TAFA2: variants seen among roughly 807,000 people sequenced by gnomAD.
TAFA2 encodes TAFA chemokine like family member 2, also known as chemokine-like protein TAFA-2.
Under a neutral mutation model 18.8 loss-of-function variants are expected in TAFA2, and 7 were observed. That is an observed-to-expected ratio of 0.37 (90% CI 0.21 to 0.70). The LOEUF (loss-of-function observed/expected upper bound fraction) is 0.70. TAFA2 is among the 30% of genes least tolerant of loss of function. The pLI, the probability that TAFA2 is intolerant of heterozygous loss-of-function variation, is 0.53. For missense variants in TAFA2, 122 were observed against 158.1 expected (o/e 0.77, Z 1.23); for synonymous variants, 60 against 54.2 (o/e 1.11, Z -0.47).
chr12:61,863,327 T>C (rs565433425), intron 2 of TAFA2, among the ~76,000 whole-genome samples: 5 of 152,270 alleles, frequency 3.3e-5, no homozygotes, highest in Non-Finnish European at 7.4e-5. Context: ...ATATATTAGG[T>C]ATACAGATGA....
intron 1 of TAFA2, among the ~76,000 whole-genome samples, chr12:61,963,191 T>C (rs557759559): frequency 6.6e-6 from 1 of 152,152 alleles, no homozygotes; most frequent in Non-Finnish European, 1.5e-5. Context: ...AACATACATG[T>C]ACGTGTCTTT....
chr12:61,851,354 G>A (rs557941204), intron 2 of TAFA2, among the ~76,000 whole-genome samples: 1 of 152,258 alleles, frequency 6.6e-6, no homozygotes, highest in East Asian at 1.9e-4. Context: ...GTGGCATAAA[G>A]GGGCATAGTG....
intron 1 of TAFA2, among the ~76,000 whole-genome samples, chr12:62,070,027 C>A (rs553384176): frequency 3.3e-5 from 5 of 152,240 alleles, no homozygotes; most frequent in African/African-American, 1.2e-4. Flanking sequence ...TCATTCCTCC[C>A]AGAGCTGCCT....
intron 4 of TAFA2, among the ~76,000 whole-genome samples, chr12:61,742,088 T>C (rs2120705195): frequency 6.6e-6 from 1 of 152,150 alleles, no homozygotes; most frequent in Non-Finnish European, 1.5e-5. Context: ...AGAGATTGGG[T>C]TTCACCATGT....
intron 1 of TAFA2, among the ~76,000 whole-genome samples, chr12:61,970,402 T>A (rs1879207627): frequency 6.6e-6 from 1 of 151,484 alleles, no homozygotes; most frequent in African/African-American, 2.4e-5. Context: ...AAATACAATG[T>A]CGGAAGCTAT....
intron 1 of TAFA2, among the ~76,000 whole-genome samples, chr12:61,965,561 C>T (rs1043110501): frequency 5.3e-5 from 8 of 151,804 alleles, no homozygotes; most frequent in African/African-American, 1.4e-4. Flanking sequence ...AAGTGATGTG[C>T]TAGGTGAATA....
At chr12:61,985,354 G>A (rs181628796) in intron 1 of TAFA2, among the ~76,000 whole-genome samples, 5 of 152,302 alleles carry the variant, frequency 3.3e-5, no homozygotes, top group South Asian at 2.1e-4. Context: ...AAGGACAAAC[G>A]ATTAAACAGC....
chr12:61,842,613 A>C (rs1416797108), intron 2 of TAFA2, among the ~76,000 whole-genome samples: 1 of 152,066 alleles, frequency 6.6e-6, no homozygotes. Flanking sequence ...AATCAAACTA[A>C]AGCATACATT....
intron 1 of TAFA2, among the ~76,000 whole-genome samples, chr12:61,895,164 G>A (rs1253774763): frequency 6.6e-6 from 1 of 152,136 alleles, no homozygotes; most frequent in African/African-American, 2.4e-5. Flanking sequence ...TGGATGTATG[G>A]ATGTCCAGAA....
chr12:62,219,013 TGAGG>T (rs1323349922), intron 1 of TAFA2, among the ~76,000 whole-genome samples: 2 of 152,036 alleles, frequency 1.3e-5, no homozygotes, highest in East Asian at 3.8e-4. Flanking sequence ...TTAGAAAAGA[TGAGG>T]ACAAAATAGC....
Position 62,126,730 on chromosome 12 carries a change from G to A in TAFA2, c.-2+64529C>T, listed in dbSNP as rs1002588868. Among the ~76,000 whole-genome samples the A allele has an allele frequency of 2.0e-5, 3 of 151,830 alleles. No individual in the cohort carries two copies. In the East Asian group the frequency reaches 5.8e-4, roughly 29 times the overall value. On this transcript the variant is annotated intron_variant, in intron 1 of 4. Coordinates refer to ENST00000416284, the MANE Select transcript of TAFA2 (RefSeq NM_178539.5). ...CAAATTAGAGATGAGATGAGAAGAGGGAAGAGATGACGCCGGAGAGCCACA... is the reference window on the plus strand; with the variant it reads ...CAAATTAGAGATGAGATGAGAAGAGAGAAGAGATGACGCCGGAGAGCCACA...
At chr12:61,791,663 A>G (rs1047959113) in intron 2 of TAFA2, among the ~76,000 whole-genome samples, 2 of 151,990 alleles carry the variant, frequency 1.3e-5, no homozygotes, top group Non-Finnish European at 2.9e-5. Context: ...TTAAAACCAC[A>G]GTGAGATATC....
chr12:61,813,124 T>C (rs181295019), intron 2 of TAFA2, among the ~76,000 whole-genome samples: 1 of 151,530 alleles, frequency 6.6e-6, no homozygotes, highest in East Asian at 1.9e-4. Context: ...AAATGCCCGA[T>C]TACTAGAAAA....
At chr12:61,763,713 A>G (rs1328464921) in intron 2 of TAFA2, among the ~76,000 whole-genome samples, 1 of 151,848 alleles carries the variant, frequency 6.6e-6, no homozygotes, top group African/African-American at 2.4e-5. Context: ...AACCCACAGA[A>G]AGCTTCGCGC....
chr12:62,092,570 CT>C (rs1868763557), intron 1 of TAFA2, among the ~76,000 whole-genome samples: 1 of 151,932 alleles, frequency 6.6e-6, no homozygotes, highest in African/African-American at 2.4e-5. Context: ...CCAAACTCAT[CT>C]GGTTTTCCTT....
chr12:61,899,730 T>A (rs887142304), intron 1 of TAFA2, among the ~76,000 whole-genome samples: 1 of 152,170 alleles, frequency 6.6e-6, no homozygotes, highest in African/African-American at 2.4e-5. Context: ...CAACCGTGGA[T>A]CAAAAATATT....
chr12:61,738,597 G>A (rs1409841424), intron 4 of TAFA2, among the ~76,000 whole-genome samples: 1 of 152,042 alleles, frequency 6.6e-6, no homozygotes, highest in African/African-American at 2.4e-5. Context: ...TTCTGCTCTT[G>A]CAGCATATCC....
chr12:61,956,801 A>G (rs1190431847), intron 1 of TAFA2, among the ~76,000 whole-genome samples: 2 of 152,110 alleles, frequency 1.3e-5, no homozygotes, highest in African/African-American at 2.4e-5. Flanking sequence ...ACAGCATGAG[A>G]TCTGCTCTTT....
intron 2 of TAFA2, among the ~76,000 whole-genome samples, chr12:61,786,521 C>A (rs1870745709): frequency 6.6e-6 from 1 of 151,530 alleles, no homozygotes; most frequent in African/African-American, 2.4e-5. Flanking sequence ...AATTCACACA[C>A]ATTAGCATTA....
Sources: gnomAD v4.1 joint callset for allele counts (sites outside exome capture counted in the v4.1 genomes callset) on GRCh38, gnomAD v4.1.1 for gene constraint, MANE v1.5 for transcripts, NCBI Gene and HGNC (gene_info 2026-07-23, HGNC 2026-07-21) for gene names.